KAT6B: variants seen among roughly 807,000 people sequenced by gnomAD.
KAT6B encodes lysine acetyltransferase 6B.
In KAT6B, 10 loss-of-function variants were observed where a neutral mutation model predicts 187.5. That is an observed-to-expected ratio of 0.05 (90% confidence interval 0.03 to 0.09). The LOEUF (loss-of-function observed/expected upper bound fraction) is 0.09. KAT6B is among the 10% of genes least tolerant of loss of function. KAT6B has a pLI of 1.00. For missense variants in KAT6B, 1,952 were observed against 2,558.9 expected (o/e 0.76, Z 5.12); for synonymous variants, 861 against 926.8 (o/e 0.93, Z 1.29).
intron 3 of KAT6B, among the ~76,000 whole-genome samples, chr10:74,948,374 T>C (rs2133372144): frequency 6.6e-6 from 1 of 152,356 alleles, no homozygotes; most frequent in Admixed American, 6.5e-5. Context: ...TAAATCTCTG[T>C]GAGTGCAGGG....
chr10:75,030,576 G>C lies in KAT6B; in HGVS notation c.5752G>C (p.Ala1918Pro). Reference protein sequence around the residue: ...SHSQRLQTQIASKGHISMRTK... With the variant: ...SHSQRLQTQIPSKGHISMRTK... ...CAGCCAAAGACTGCAAACCCAGATT[G>C]CCAGCAAGGGCCACATCTCCATGAG... Residue 1918 changes from alanine to proline, a missense_variant, in exon 18 of 18, where the codon GCC (alanine) becomes CCC (proline). Physicochemically the swap from Ala to Pro is conservative, Grantham distance 27. Coordinates refer to ENST00000287239, the MANE Select transcript of KAT6B (RefSeq NM_012330.4). The surrounding 1 kb of genome is among the most constrained non-coding windows in gnomAD (Gnocchi z 4.8). 1 of 1,608,972 alleles carries C rather than the reference G, an allele frequency of 6.2e-7. No individual in the cohort carries two copies. The highest frequency in any genetic ancestry group is 1.1e-5 in the South Asian group (1 of 91,008).
intron 3 of KAT6B, among the ~76,000 whole-genome samples, chr10:74,952,125 T>TGG (rs1840357748): frequency 6.6e-6 from 1 of 151,384 alleles, no homozygotes; most frequent in South Asian, 2.1e-4. Flanking sequence ...GAGGCCGAGG[T>TGG]GGGTGGATTG....
intron 12 of KAT6B, among the ~76,000 whole-genome samples, chr10:74,987,632 A>G (rs565662574): frequency 7.9e-5 from 12 of 152,344 alleles, no homozygotes; most frequent in Non-Finnish European, 1.3e-4. Flanking sequence ...CAAGCACATA[A>G]TAGATGGCTG....
intron 3 of KAT6B, among the ~76,000 whole-genome samples, chr10:74,870,299 C>CA (rs1286230394): frequency 6.6e-6 from 1 of 151,968 alleles, no homozygotes; most frequent in Non-Finnish European, 1.5e-5. Flanking sequence ...TCTCAAAAGA[C>CA]AAAAAACCCC....
chr10:74,996,833 T>C (rs2133932054), intron 13 of KAT6B, among the ~76,000 whole-genome samples: 1 of 150,318 alleles, frequency 6.7e-6, no homozygotes, highest in South Asian at 2.1e-4. Context: ...GATCTTTGGA[T>C]GGTCAAGGAC....
intron 1 of KAT6B, among the ~76,000 whole-genome samples, chr10:74,829,318 C>G (rs1012772203): frequency 6.6e-6 from 1 of 152,184 alleles, no homozygotes; most frequent in African/African-American, 2.4e-5. Context: ...TTCATAAGCT[C>G]TCATGGACTT....
intron 3 of KAT6B, among the ~76,000 whole-genome samples, chr10:74,872,022 G>A: frequency 6.6e-6 from 1 of 152,144 alleles, no homozygotes; most frequent in Non-Finnish European, 1.5e-5. Flanking sequence ...CAGGCTCCTG[G>A]ATAGGTGTGA....
At chr10:74,954,034 G>C (rs527274551) in intron 3 of KAT6B, among the ~76,000 whole-genome samples, 18 of 152,254 alleles carry the variant, frequency 1.2e-4, no homozygotes, top group African/African-American at 4.1e-4. Flanking sequence ...AACTGGGAAA[G>C]TCCTTAGAGA....
chr10:74,874,180 T>C (rs1488940734), intron 3 of KAT6B, among the ~76,000 whole-genome samples: 1 of 152,198 alleles, frequency 6.6e-6, no homozygotes, highest in African/African-American at 2.4e-5. Context: ...TATGAAAAAT[T>C]GGAAAGGCAC....
chr10:74,932,202 G>C (rs562806552), intron 3 of KAT6B, among the ~76,000 whole-genome samples: 7 of 152,174 alleles, frequency 4.6e-5, no homozygotes, highest in Non-Finnish European at 1.5e-5. Context: ...TCTACATCAA[G>C]TACAGTAACG....
intron 3 of KAT6B, among the ~76,000 whole-genome samples, chr10:74,925,838 A>G (rs1401834004): frequency 1.3e-5 from 2 of 152,160 alleles, no homozygotes; most frequent in Non-Finnish European, 2.9e-5. Context: ...TCCTTGAAAT[A>G]ATGTATTGAG....
chr10:74,908,890 G>A (rs1012533277), intron 3 of KAT6B, among the ~76,000 whole-genome samples: 1 of 152,088 alleles, frequency 6.6e-6, no homozygotes, highest in Admixed American at 6.5e-5. Context: ...CCCACATGCT[G>A]CCTTGACTCC....
chr10:74,984,483 T>G (rs1842705722), intron 11 of KAT6B: 3 of 154,700 alleles, frequency 1.9e-5, no homozygotes, highest in Non-Finnish European at 4.3e-5. Flanking sequence ...ATCATAGTGC[T>G]TATTGTAGGT....
At chr10:74,959,796 A>G (rs1840962431) in intron 3 of KAT6B, among the ~76,000 whole-genome samples, 174 bp from the exon 4 acceptor site, 3 of 152,242 alleles carry the variant, frequency 2.0e-5, no homozygotes, top group African/African-American at 7.2e-5. Context: ...CTCAAAAATA[A>G]TATAAGAGTT....
chr10:74,870,173 G>T (rs1402100836), intron 3 of KAT6B, among the ~76,000 whole-genome samples: 1 of 152,146 alleles, frequency 6.6e-6, no homozygotes, highest in Non-Finnish European at 1.5e-5. Context: ...CAGCGACTTG[G>T]GGGTGCTGAG....
chr10:74,861,215 T>C (rs1383875081), intron 3 of KAT6B, among the ~76,000 whole-genome samples: 1 of 151,486 alleles, frequency 6.6e-6, no homozygotes, highest in Admixed American at 6.6e-5. Context: ...GGCAGGAGAA[T>C]CACTTGAATG....
chr10:75,029,919 T>C lies in KAT6B; in HGVS notation c.5095T>C (p.Ser1699Pro). Residue 1699 changes from serine to proline, a missense_variant, in exon 18 of 18, where the codon TCT becomes CCT. Ser to Pro is a moderately conservative substitution (Grantham distance 74). Coordinates refer to ENST00000287239, the MANE Select transcript of KAT6B (RefSeq NM_012330.4). The surrounding 1 kb of genome is among the most constrained non-coding windows in gnomAD (Gnocchi z 6.2). ...GGGAGGCAGCATCTGTGGAAACGGC[T>C]CTTCACAGAACAGCTGCTCCTATAG... ...TMGGSICGNG[S>P]SQNSCSYSNL... The C allele has an allele frequency of 6.2e-7, 1 of 1,614,186 alleles. No homozygotes were observed. The highest frequency in any genetic ancestry group is 1.3e-5 in the African/African-American group (1 of 75,042).
At chr10:74,826,215 T>C (rs1175112655), upstream of KAT6B, among the ~76,000 whole-genome samples, 1 of 149,972 alleles carries the variant, frequency 6.7e-6, no homozygotes, top group African/African-American at 2.5e-5. Flanking sequence ...GCTCCTCTGC[T>C]GCGAGTAGAC....
intron 4 of KAT6B, among the ~76,000 whole-genome samples, chr10:74,967,388 A>AC (rs1433722211): frequency 6.6e-6 from 1 of 152,186 alleles, no homozygotes; most frequent in East Asian, 1.9e-4. Context: ...AAATCGCTAA[A>AC]CCAGAGGTAA....
Sources: gnomAD v4.1 joint callset for allele counts (sites outside exome capture counted in the v4.1 genomes callset) on GRCh38, gnomAD v4.1.1 for gene constraint, Gnocchi (gnomAD v3.1) non-coding constraint, MANE v1.5 for transcripts, NCBI Gene and HGNC (gene_info 2026-07-23, HGNC 2026-07-21) for gene names.